Variants in CACNA1C observed in about 807,000 individuals in gnomAD.
CACNA1C encodes the protein voltage-dependent L-type calcium channel subunit alpha-1C.
A neutral mutation model predicts 229.0 loss-of-function variants in CACNA1C; 30 were observed. That is an observed-to-expected ratio of 0.13 (90% CI 0.10 to 0.18). CACNA1C has a LOEUF of 0.18. Among genes scored for constraint, CACNA1C ranks in the 10% least tolerant of loss-of-function variants. The pLI, the probability that CACNA1C is intolerant of heterozygous loss-of-function variation, is 1.00. For synonymous variants in CACNA1C, 1,114 were observed against 1,132.5 expected (o/e 0.98, Z 0.33); for missense variants, 1,658 against 2,845.0 (o/e 0.58, Z 9.49).
chr12:2,011,551 G>C (rs2044443171), intron 1 of CACNA1C, among the ~76,000 whole-genome samples: 1 of 152,224 alleles, frequency 6.6e-6, no homozygotes. Flanking sequence ...TTAGAAGAGT[G>C]CTACGCAGCT....
At chr12:2,641,630 A>G (rs1248590606) in intron 30 of CACNA1C, 1 of 671,132 alleles carries the variant, frequency 1.5e-6, no homozygotes, top group Non-Finnish European at 2.7e-6. Context: ...TTGTTTCAAA[A>G]TGAAGTGATT....
intron 1 of CACNA1C, among the ~76,000 whole-genome samples, chr12:2,041,568 G>T (rs1247335033): frequency 6.6e-6 from 1 of 152,044 alleles, no homozygotes; most frequent in Admixed American, 6.6e-5. Context: ...GAGCCACTGC[G>T]CCCGGCCCGC....
chr12:2,673,554 G>A (rs1323633195), intron 38 of CACNA1C, among the ~76,000 whole-genome samples: 1 of 152,074 alleles, frequency 6.6e-6, no homozygotes, highest in Non-Finnish European at 1.5e-5. Context: ...GCTTTCATAA[G>A]GCAAATCCAG....
In CACNA1C at chr12:2,242,574, C is replaced by G. The variant is rs141392752; in HGVS notation, c.477+122144C>G. On this transcript the variant is annotated intron_variant, in intron 3 of 46. Coordinates refer to ENST00000399655, the MANE Select transcript of CACNA1C (RefSeq NM_000719.7). ...CTCAAAAAAATTTATTCTTAATCAA[C>G]TATGTCAGTGGCCTGTTGGCCTCTA... Among the ~76,000 whole-genome samples, 395 of 152,316 alleles carry G rather than the reference C, an allele frequency of 2.6e-3. 3 individuals carry two copies. The highest frequency in any genetic ancestry group is 9.2e-3 in the African/African-American group (381 of 41,554).
At chr12:2,032,876 A>G (rs1695212613) in intron 1 of CACNA1C, among the ~76,000 whole-genome samples, 1 of 152,236 alleles carries the variant, frequency 6.6e-6, no homozygotes, top group Admixed American at 6.5e-5. Context: ...AACAACGCTG[A>G]AGCGCTGGTC....
intron 3 of CACNA1C, among the ~76,000 whole-genome samples, chr12:2,359,238 C>T (rs114693612): frequency 0.01 from 1,590 of 152,276 alleles, 23 homozygotes; most frequent in African/African-American, 0.036. Flanking sequence ...CTCGGTCCTT[C>T]GGGTAGTCTC....
chr12:2,130,036 T>C (rs1489500408), intron 3 of CACNA1C, among the ~76,000 whole-genome samples: 1 of 152,172 alleles, frequency 6.6e-6, no homozygotes, highest in Non-Finnish European at 1.5e-5. Flanking sequence ...CTTTATTCTC[T>C]TTGTTCTCTC....
In CACNA1C at chr12:2,105,360, C is replaced by A. The variant is rs190698227; in HGVS notation, c.50-9864C>A. ...AGAGCCGCAGATCTCCTGGCGCCCTCACGGTCTCCTTGTTTTGGAGCACAT... is the reference window on the plus strand; with the variant it reads ...AGAGCCGCAGATCTCCTGGCGCCCTAACGGTCTCCTTGTTTTGGAGCACAT... On this transcript the variant is annotated intron_variant, in intron 1 of 46. Transcript: ENST00000399655. Among the ~76,000 whole-genome samples, 17 of 152,182 alleles carry A rather than the reference C, an allele frequency of 1.1e-4. No individual in the cohort carries two copies. The South Asian group carries it at 2.5e-3, about 22-fold the overall frequency.
intron 21 of CACNA1C, among the ~76,000 whole-genome samples, chr12:2,600,724 G>T (rs548271056): frequency 2.4e-4 from 37 of 152,334 alleles, no homozygotes; most frequent in Admixed American, 1.2e-3. Context: ...CATCTTGTGT[G>T]TTCTCTTTTT....
Position 2,521,582 on chromosome 12 carries a change from T to G in CACNA1C, c.1390+8598T>G, listed in dbSNP as rs149537410. On this transcript the variant is annotated intron_variant, in intron 9 of 46. Transcript: ENST00000399655. Reference sequence around the variant, plus strand: ...AGCATCTTCCGAGCCCACTTCTCTCTCCAGAGGCTTCTTCATCTTCCCAGT... The same window carrying G: ...AGCATCTTCCGAGCCCACTTCTCTCGCCAGAGGCTTCTTCATCTTCCCAGT... 5.8e-3 allele frequency among the ~76,000 whole-genome samples: 877 copies of G among 152,282 alleles called. 8 individuals carry two copies. Among genetic ancestry groups the G allele is most frequent in the Non-Finnish European group, 8.4e-3 (571 of 68,010 alleles).
At chr12:2,385,283 A>G (rs926200649) in intron 3 of CACNA1C, among the ~76,000 whole-genome samples, 1 of 152,040 alleles carries the variant, frequency 6.6e-6, no homozygotes, top group Non-Finnish European at 1.5e-5. Flanking sequence ...TCAGATGCAC[A>G]CAGCCAGGTA....
At chr12:2,117,388 C>T (rs901091951) in intron 2 of CACNA1C, among the ~76,000 whole-genome samples, 7 of 152,188 alleles carry the variant, frequency 4.6e-5, no homozygotes, top group Non-Finnish European at 8.8e-5. Flanking sequence ...GGTTTTAGTG[C>T]CCGGGGTACT....
intron 1 of CACNA1C, among the ~76,000 whole-genome samples, chr12:2,104,370 CT>C (rs1365205613): frequency 2.6e-5 from 4 of 152,090 alleles, no homozygotes; most frequent in Non-Finnish European, 5.9e-5. Flanking sequence ...ATTTGGCTGT[CT>C]GTCCGTTATT....
intron 5 of CACNA1C, among the ~76,000 whole-genome samples, chr12:2,462,975 T>C (rs1051123075): frequency 2.1e-4 from 31 of 146,986 alleles, no homozygotes; most frequent in South Asian, 6.5e-4. Context: ...TGCAGTGGTG[T>C]GATCTCGGCT....
chr12:2,191,729 T>C (rs1337633821), intron 3 of CACNA1C, among the ~76,000 whole-genome samples: 1 of 148,194 alleles, frequency 6.7e-6, no homozygotes, highest in Non-Finnish European at 1.5e-5. Flanking sequence ...GGCACACACG[T>C]ACACACAGGC....
chr12:2,592,614 G>A (rs1437195557), intron 18 of CACNA1C, among the ~76,000 whole-genome samples: 28 of 152,130 alleles, frequency 1.8e-4, no homozygotes, highest in South Asian at 1.2e-3. Flanking sequence ...GAACGAAGGC[G>A]CTTCTTTAAT....
chr12:2,394,135 G>A (rs1025366274), intron 3 of CACNA1C, among the ~76,000 whole-genome samples: 2 of 151,728 alleles, frequency 1.3e-5, no homozygotes, highest in African/African-American at 4.8e-5. Flanking sequence ...AGGAAAAGGA[G>A]GGACACTGGA....
intron 3 of CACNA1C, among the ~76,000 whole-genome samples, chr12:2,223,894 A>G (rs2062143554): frequency 6.6e-6 from 1 of 152,252 alleles, no homozygotes; most frequent in Non-Finnish European, 1.5e-5. Flanking sequence ...ATGATAATAC[A>G]CAAATATATT....
intron 3 of CACNA1C, among the ~76,000 whole-genome samples, chr12:2,303,131 C>T (rs574192862): frequency 3.3e-5 from 5 of 152,232 alleles, no homozygotes; most frequent in Admixed American, 6.5e-5. Context: ...ATGCTGGAGC[C>T]GCTAGTATGG....
Sources: allele counts gnomAD v4.1 joint callset (sites outside exome capture counted in the v4.1 genomes callset), GRCh38; gene constraint gnomAD v4.1.1; transcripts MANE v1.5; gene names NCBI Gene and HGNC (gene_info 2026-07-23, HGNC 2026-07-21).